The following PLAG1 variants were observed in gnomAD, a reference collection of about 807,000 sequenced individuals.
PLAG1 encodes zinc finger protein PLAG1.
Under a neutral mutation model 35.5 loss-of-function variants are expected in PLAG1, and 7 were observed. That is an observed-to-expected ratio of 0.20 (90% confidence interval 0.11 to 0.37). PLAG1 has a LOEUF of 0.37. PLAG1 is among the 10% of genes least tolerant of loss of function. The pLI, the probability that PLAG1 is intolerant of heterozygous loss-of-function variation, is 1.00. For synonymous variants in PLAG1, 229 were observed against 225.4 expected (o/e 1.02, Z -0.14); for missense variants, 454 against 602.8 (o/e 0.75, Z 2.58).
chr8:56,209,505 TAAGAA>T (rs1266408371), intron 1 of PLAG1: 1 of 152,240 alleles, frequency 6.6e-6, no homozygotes, highest in African/African-American at 2.4e-5. Context: ...ATGAAAACCA[TAAGAA>T]AAGAGAAGCT....
At chr8:56,178,422 G>A (rs2129227536) in intron 2 of PLAG1, among the ~76,000 whole-genome samples, 1 of 152,062 alleles carries the variant, frequency 6.6e-6, no homozygotes, top group East Asian at 1.9e-4. Flanking sequence ...GATTTTTATA[G>A]CATATAGATA....
At chr8:56,177,984 G>T in intron 2 of PLAG1, 1 of 966,592 alleles carries the variant, frequency 1.0e-6, no homozygotes, top group Non-Finnish European at 1.2e-6. Context: ...CGCCAAGCAC[G>T]GATACAAACC....
In PLAG1 at chr8:56,166,197, G is replaced by T; in HGVS notation, c.*46C>A. ...ACTAAAATAAAAATGGTCATCTAGG[G>T]CACAGCTACACATACATTTCTGTAA... On this transcript the variant is annotated 3_prime_UTR_variant, in exon 5 of 5. Transcript: ENST00000316981. 1 of 1,368,820 alleles carries T rather than the reference G, an allele frequency of 7.3e-7. No homozygotes were observed. Among genetic ancestry groups the T allele is most frequent in the Non-Finnish European group, 9.9e-7 (1 of 1,006,308 alleles). The allele number at this position is 1,368,820 out of a possible 1,614,324, so 84.8% of individuals were successfully genotyped here. A position where few individuals can be genotyped will look rare whatever the true frequency, so the allele number is the denominator to read the frequency against.
At chr8:56,177,710 C>T (rs1226321652) in intron 2 of PLAG1, among the ~76,000 whole-genome samples, 1 of 152,116 alleles carries the variant, frequency 6.6e-6, no homozygotes, top group Non-Finnish European at 1.5e-5. Context: ...GAACTGTGGT[C>T]CCTTTAAGGA....
intron 1 of PLAG1, among the ~76,000 whole-genome samples, chr8:56,203,264 A>C (rs554258854): frequency 2.6e-5 from 4 of 152,316 alleles, no homozygotes; most frequent in African/African-American, 9.6e-5. Context: ...ATCTGAATTA[A>C]AATTATGTAT....
At chr8:56,209,337 A>T (rs1269076941) in intron 1 of PLAG1, 2 of 152,220 alleles carry the variant, frequency 1.3e-5, no homozygotes, top group Non-Finnish European at 2.9e-5. Flanking sequence ...TACAAACTAT[A>T]CACATATCCA....
Position 56,165,619 on chromosome 8 carries a change from A to G in PLAG1, c.*624T>C, listed in dbSNP as rs1418203406. The stretch of plus-strand genomic sequence containing the variant: ...CTATAAATACTGATGCTTTGTGTTT[A>G]GGGTTTGTTTTCCTTAAAGGCTCAT... On this transcript the variant is annotated 3_prime_UTR_variant, in exon 5 of 5. Coordinates refer to ENST00000316981, the MANE Select transcript of PLAG1 (RefSeq NM_002655.3). The G allele has an allele frequency of 1.5e-5, 3 of 202,118 alleles. No individual in the cohort carries two copies. Among genetic ancestry groups the G allele is most frequent in the African/African-American group, 6.9e-5 (3 of 43,656 alleles). The allele number at this position is 202,118 out of a possible 1,614,324, so 12.5% of individuals were successfully genotyped here.
chr8:56,172,027 T>C (rs1398224979), intron 2 of PLAG1, among the ~76,000 whole-genome samples: 4 of 152,170 alleles, frequency 2.6e-5, no homozygotes, highest in African/African-American at 4.8e-5. Flanking sequence ...GCACAAGGCA[T>C]GAGAGATCAG....
Position 56,167,334 on chromosome 8 carries a change from G to A in PLAG1, c.412C>T (p.Arg138Cys), listed in dbSNP as rs770460305. 9.3e-6 allele frequency: 15 copies of A among 1,613,868 alleles called. No individual in the cohort carries two copies. The highest frequency in any genetic ancestry group is 1.2e-5 in the Non-Finnish European group (14 of 1,179,982). The change falls in exon 5 of 5, where the codon CGT (arginine) becomes TGT (cysteine). Residue 138 changes from arginine to cysteine, a missense_variant. Around this residue, in one of 4 missense-constraint regions of PLAG1, gnomAD observed 170 missense variants for 226.3 expected, o/e 0.75. Coordinates refer to ENST00000316981, the MANE Select transcript of PLAG1 (RefSeq NM_002655.3). The surrounding 1 kb of genome is among the most constrained non-coding windows in gnomAD (Gnocchi z 5.9). Reference protein sequence around the residue: ...KNYNTKLGFKRHLALHAATSG... With the variant: ...KNYNTKLGFKCHLALHAATSG... ...GTTGCGGCATGCAAGGCCAAGTGAC[G>A]TTTAAATCCAAGCTTGGTATTGTAG...
chr8:56,197,539 CTTCT>C (rs1395159533), intron 1 of PLAG1, among the ~76,000 whole-genome samples: 1 of 152,190 alleles, frequency 6.6e-6, no homozygotes, highest in Non-Finnish European at 1.5e-5. Context: ...GTATTTCTCT[CTTCT>C]TTCTCTGTGT....
chr8:56,190,159 G>A (rs74926318), intron 1 of PLAG1, among the ~76,000 whole-genome samples: 3,746 of 152,328 alleles, frequency 0.025, 60 homozygotes, highest in Non-Finnish European at 0.034. Flanking sequence ...AGGAATAAAT[G>A]ATACTGCATG....
At chr8:56,206,880 A>G (rs1230110800) in intron 1 of PLAG1, among the ~76,000 whole-genome samples, 1 of 151,964 alleles carries the variant, frequency 6.6e-6, no homozygotes, top group Non-Finnish European at 1.5e-5. Flanking sequence ...CATATTCACT[A>G]CCTTGGATTT....
chr8:56,171,137 C>T lies in PLAG1; in HGVS notation c.-164G>A. 2.0e-6 allele frequency: 2 copies of T among 983,552 alleles called. No homozygotes were observed. Among genetic ancestry groups the T allele is most frequent in the Non-Finnish European group, 2.4e-6 (2 of 827,930 alleles). 60.9% of individuals were successfully genotyped at this position (983,552 alleles called of 1,614,324 possible). ...CTCAGACTTTGATCTTAGCCAGTCC[C>T]ATTGACTCTTCGTGGAAGAGAGTGG... On this transcript the variant is annotated 5_prime_UTR_variant, in exon 3 of 5. The change abolishes an upstream ATG in the 5' untranslated region. Transcript: ENST00000316981.
intron 1 of PLAG1, among the ~76,000 whole-genome samples, chr8:56,197,518 G>A (rs1585818929): frequency 6.6e-6 from 1 of 152,214 alleles, no homozygotes; most frequent in East Asian, 1.9e-4. Flanking sequence ...CTCTGTGGGT[G>A]TGAACTGGGT....
At chr8:56,186,860 G>C (rs141411754) in intron 1 of PLAG1, among the ~76,000 whole-genome samples, 21,652 of 151,982 alleles carry the variant, frequency 0.14, 1,770 homozygotes, top group Middle Eastern at 0.2. Flanking sequence ...GGGATTACAG[G>C]CATGCTCTAC....
intron 1 of PLAG1, among the ~76,000 whole-genome samples, chr8:56,183,866 A>G (rs1811941817): frequency 6.6e-6 from 1 of 152,192 alleles, no homozygotes; most frequent in African/African-American, 2.4e-5. Context: ...ATAAAACCTA[A>G]AACTATAAAA....
intron 2 of PLAG1, among the ~76,000 whole-genome samples, chr8:56,176,354 A>T (rs1811695586): frequency 1.3e-5 from 2 of 149,296 alleles, no homozygotes; most frequent in African/African-American, 5.0e-5. Context: ...TGCCCAACTG[A>T]AAGCTCCCTT....
intron 1 of PLAG1, among the ~76,000 whole-genome samples, chr8:56,187,435 C>G (rs1812051919): frequency 6.6e-6 from 1 of 152,210 alleles, no homozygotes; most frequent in South Asian, 2.1e-4. Context: ...GTCTGACCTT[C>G]ACTATCTGTG....
rs184389132 is a variant in PLAG1 at position 56,195,037 on chromosome 8, C to T, written c.-321-15524G>A. On this transcript the variant is annotated intron_variant, in intron 1 of 4. Coordinates refer to ENST00000316981, the MANE Select transcript of PLAG1 (RefSeq NM_002655.3). ...CTGCTGAGGGTGCATATCTGACAGA[C>T]TCAATTTTCTTAGTGAACTTGGGGG... Among the ~76,000 whole-genome samples the T allele has an allele frequency of 3.2e-4, 48 of 152,222 alleles. 1 individual carries two copies. Among genetic ancestry groups the T allele is most frequent in the African/African-American group, 1.1e-3 (46 of 41,532 alleles).
Sources: gnomAD v4.1 joint callset for allele counts (sites outside exome capture counted in the v4.1 genomes callset) on GRCh38, gnomAD v4.1.1 for gene constraint, gnomAD v4.1.1 regional missense constraint, Gnocchi (gnomAD v3.1) non-coding constraint, MANE v1.5 for transcripts, NCBI Gene and HGNC (gene_info 2026-07-23, HGNC 2026-07-21) for gene names.